DAAM1: variants seen among roughly 807,000 people sequenced by gnomAD.
The protein encoded by DAAM1 is dishevelled associated activator of morphogenesis 1.
Under a neutral mutation model 130.0 loss-of-function variants are expected in DAAM1, and 52 were observed. That is an observed-to-expected ratio of 0.40 (90% CI 0.32 to 0.50). The LOEUF (loss-of-function observed/expected upper bound fraction) is 0.50, where lower values mean the gene tolerates loss of function less well. Among genes scored for constraint, DAAM1 ranks in the 20% least tolerant of loss-of-function variants. The pLI, the probability that DAAM1 is intolerant of heterozygous loss-of-function variation, is 0.61. For synonymous variants in DAAM1, 452 were observed against 444.5 expected, an observed-to-expected ratio of 1.02 and a Z score of -0.21; for missense variants, 1,134 against 1,303.8, an observed-to-expected ratio of 0.87 and a Z score of 2.01.
intron 2 of DAAM1, chr14:59,266,013 A>T (rs1882420009): frequency 6.6e-6 from 1 of 152,238 alleles, no homozygotes; most frequent in Admixed American, 6.5e-5. Context: ...GGGCAGGCAG[A>T]TGACACATAG....
At chr14:59,346,082 G>T (rs918694225) in intron 16 of DAAM1, among the ~76,000 whole-genome samples, 1 of 140,744 alleles carries the variant, frequency 7.1e-6, no homozygotes, top group Non-Finnish European at 1.5e-5. Flanking sequence ...AGCACTTTAC[G>T]TGCATTCATT....
In DAAM1 at chr14:59,340,127, G is replaced by A; in HGVS notation, c.2022G>A (p.Glu674=). The part of the protein sequence containing the change: ...DTLSSKLKVK[E]LSVIDGRRAQ... ...TGAGTTCCAAACTTAAAGTTAAAGA[G>A]CTTTCGGTGATTGATGGTCGGAGAG... Residue 674 remains glutamate, a synonymous_variant, in exon 16 of 25, where the codon GAG becomes GAA. Transcript: ENST00000360909. 2.5e-6 allele frequency: 4 copies of A among 1,613,570 alleles called. No individual in the cohort carries two copies. Among genetic ancestry groups the A allele is most frequent in the Non-Finnish European group, 3.4e-6 (4 of 1,179,634 alleles).
At chr14:59,281,737 C>CCCTGGT (rs1435128855) in intron 2 of DAAM1, among the ~76,000 whole-genome samples, 1 of 152,088 alleles carries the variant, frequency 6.6e-6, no homozygotes, top group Non-Finnish European at 1.5e-5. Context: ...TAACGTCTGG[C>CCCTGGT]CCTGGTCCTG....
chr14:59,318,480 G>T (rs777543438), intron 4 of DAAM1, among the ~76,000 whole-genome samples: 2 of 148,516 alleles, frequency 1.3e-5, no homozygotes, highest in Admixed American at 6.8e-5. Context: ...CACAAGGCCT[G>T]TGCATACTAG....
chr14:59,323,426 C>T (rs1885095088), intron 6 of DAAM1, among the ~76,000 whole-genome samples: 1 of 152,096 alleles, frequency 6.6e-6, no homozygotes, highest in Non-Finnish European at 1.5e-5. Context: ...TGAATCTGGG[C>T]CTTTAGATTT....
At chr14:59,257,601 G>T (rs945345673) in intron 1 of DAAM1, among the ~76,000 whole-genome samples, 1 of 152,192 alleles carries the variant, frequency 6.6e-6, no homozygotes, top group Admixed American at 6.5e-5. Flanking sequence ...GTGCACGCAC[G>T]TGCCTGCGTA....
Position 59,315,213 on chromosome 14 carries a change from C to T in DAAM1, c.274-67C>T, listed in dbSNP as rs558034169. On this transcript the variant is annotated intron_variant, in intron 3 of 24. Transcript: ENST00000360909. ...GTCATTGTCTGGGTGCTCTGGAAGTCGGATGTGTTTCTAGGTGCTGTGTGT... is the reference window on the plus strand; with the variant it reads ...GTCATTGTCTGGGTGCTCTGGAAGTTGGATGTGTTTCTAGGTGCTGTGTGT... 1.9e-5 allele frequency: 27 copies of T among 1,405,066 alleles called. No homozygotes were observed. In the African/African-American group the frequency reaches 2.4e-4, roughly 12 times the overall value. The allele number at this position is 1,405,066 out of a possible 1,614,324, so 87.0% of individuals were successfully genotyped here. A position where few individuals can be genotyped will look rare whatever the true frequency, so the allele number is the denominator to read the frequency against.
chr14:59,220,707 G>A (rs1177050692), intron 1 of DAAM1, among the ~76,000 whole-genome samples: 2 of 152,154 alleles, frequency 1.3e-5, no homozygotes, highest in African/African-American at 4.8e-5. Flanking sequence ...TGCTGGCAGA[G>A]GGGGATGGGG....
At chr14:59,358,972 C>T (rs556892518) in intron 20 of DAAM1, among the ~76,000 whole-genome samples, 26 of 152,268 alleles carry the variant, frequency 1.7e-4, no homozygotes, top group African/African-American at 5.5e-4. Context: ...TCCACCCAAG[C>T]CTACTAGTTA....
chr14:59,305,960 G>T (rs1027672993), intron 3 of DAAM1, among the ~76,000 whole-genome samples: 1 of 152,162 alleles, frequency 6.6e-6, no homozygotes, highest in Non-Finnish European at 1.5e-5. Flanking sequence ...ATGTCTCAAA[G>T]GATTTTTTCC....
intron 1 of DAAM1, among the ~76,000 whole-genome samples, chr14:59,206,518 G>A (rs1393663818): frequency 6.6e-6 from 1 of 152,008 alleles, no homozygotes; most frequent in East Asian, 1.9e-4. Flanking sequence ...CTCGTAATCT[G>A]CCTGCTGCGG....
At chr14:59,300,290 A>G (rs1485954346) in intron 3 of DAAM1, among the ~76,000 whole-genome samples, 1 of 152,228 alleles carries the variant, frequency 6.6e-6, no homozygotes, top group Non-Finnish European at 1.5e-5. Flanking sequence ...AAATTTGCTC[A>G]AAGTTGCAGC....
chr14:59,280,535 C>CTTTTTTTTTTTT (rs35354608), intron 2 of DAAM1, among the ~76,000 whole-genome samples: 17 of 90,658 alleles, frequency 1.9e-4, no homozygotes, highest in South Asian at 9.5e-4. Flanking sequence ...GCACACCTTC[C>CTTTTTTTTTTTT]TTTTTTTTTT....
chr14:59,332,044 C>A, intron 15 of DAAM1, 124 bp downstream of exon 15: 2 of 776,464 alleles, frequency 2.6e-6, no homozygotes, highest in Non-Finnish European at 4.2e-6. Context: ...TGGATCTACC[C>A]TGTGCATGTC....
chr14:59,257,837 G>A (rs1167379048), intron 1 of DAAM1, among the ~76,000 whole-genome samples: 1 of 152,028 alleles, frequency 6.6e-6, no homozygotes, highest in East Asian at 1.9e-4. Flanking sequence ...ACCTGCCCTG[G>A]TCTTCACACA....
chr14:59,346,688 A>AT (rs1296038888), intron 16 of DAAM1, among the ~76,000 whole-genome samples: 2 of 152,156 alleles, frequency 1.3e-5, no homozygotes, highest in South Asian at 2.1e-4. Flanking sequence ...TGTGATCAAG[A>AT]TTTTTTTCCC....
At chr14:59,331,753 A>G (rs1359304989) in intron 14 of DAAM1, 60 bp from the exon 15 acceptor site, 2 of 1,550,054 alleles carry the variant, frequency 1.3e-6, no homozygotes, top group Admixed American at 1.9e-5. Context: ...TTAAATAACC[A>G]TCCCTGTTCT....
At chr14:59,349,331 T>C (rs1259325796) in intron 17 of DAAM1, among the ~76,000 whole-genome samples, 1 of 152,258 alleles carries the variant, frequency 6.6e-6, no homozygotes, top group African/African-American at 2.4e-5. Flanking sequence ...AGGGAAAGGA[T>C]TTCAAAATCT....
At chr14:59,316,445 T>G (rs1043689883) in intron 4 of DAAM1, among the ~76,000 whole-genome samples, 5 of 152,202 alleles carry the variant, frequency 3.3e-5, no homozygotes, top group African/African-American at 1.2e-4. Flanking sequence ...ACAAGATGCT[T>G]CTTCTGTTGT....
Sources: allele counts gnomAD v4.1 joint callset (sites outside exome capture counted in the v4.1 genomes callset), GRCh38; gene constraint gnomAD v4.1.1; transcripts MANE v1.5; gene names NCBI Gene and HGNC (gene_info 2026-07-23, HGNC 2026-07-21).